Variants in ALPK1 observed in about 807,000 individuals in gnomAD.
ALPK1 encodes the protein alpha-protein kinase 1.
In ALPK1, 110 loss-of-function variants were observed where a neutral mutation model predicts 120.6. That is an observed-to-expected ratio of 0.91 (90% CI 0.78 to 1.07). The LOEUF (loss-of-function observed/expected upper bound fraction) is 1.07, where lower values mean the gene tolerates loss of function less well. Ranked by LOEUF, ALPK1 falls within the 50% of genes least tolerant of loss-of-function variation. The pLI is 0.00. For missense variants in ALPK1, 1,498 were observed against 1,483.9 expected, an observed-to-expected ratio of 1.01 and a Z score of -0.16; for synonymous variants, 582 against 560.3, an observed-to-expected ratio of 1.04 and a Z score of -0.55.
intron 3 of ALPK1, among the ~76,000 whole-genome samples, chr4:112,381,407 G>A (rs1731898185): frequency 6.6e-6 from 1 of 152,202 alleles, no homozygotes; most frequent in African/African-American, 2.4e-5. Context: ...TGAGAGGCTT[G>A]CAAGACAAGT....
chr4:112,306,132 A>G (rs528981981), intron 1 of ALPK1, among the ~76,000 whole-genome samples: 3,066 of 152,050 alleles, frequency 0.02, 120 homozygotes, highest in African/African-American at 0.069. Context: ...TTTTTGATGC[A>G]CTGCTGGATT....
chr4:112,305,064 G>T (rs947352034), intron 1 of ALPK1, among the ~76,000 whole-genome samples: 5 of 152,012 alleles, frequency 3.3e-5, no homozygotes, highest in African/African-American at 9.7e-5. Context: ...GGTTGTAGAG[G>T]TGTGGTATTA....
At chr4:112,297,874 G>C (rs1167464518) in intron 1 of ALPK1, among the ~76,000 whole-genome samples, 1 of 151,838 alleles carries the variant, frequency 6.6e-6, no homozygotes, top group East Asian at 1.9e-4. Flanking sequence ...TATGACTTTT[G>C]CCTGGAATAC....
chr4:112,403,458 T>G (rs1001628884), intron 4 of ALPK1, among the ~76,000 whole-genome samples: 14 of 152,138 alleles, frequency 9.2e-5, no homozygotes, highest in African/African-American at 3.4e-4. Context: ...TTCTCCTGAG[T>G]TGACTTCTCT....
At chr4:112,348,742 G>C (rs1477478621) in intron 2 of ALPK1, among the ~76,000 whole-genome samples, 1 of 152,246 alleles carries the variant, frequency 6.6e-6, no homozygotes. Context: ...CACGCTGTGT[G>C]AATCACACAG....
intron 1 of ALPK1, among the ~76,000 whole-genome samples, chr4:112,298,550 T>C (rs1727643460): frequency 6.6e-6 from 1 of 152,200 alleles, no homozygotes; most frequent in East Asian, 1.9e-4. Context: ...AAATCTGAGA[T>C]GAATCTCTCA....
chr4:112,378,653 G>T (rs1731771522), intron 3 of ALPK1, among the ~76,000 whole-genome samples: 1 of 151,666 alleles, frequency 6.6e-6, no homozygotes, highest in Non-Finnish European at 1.5e-5. Context: ...ACTGTCCTTT[G>T]TACATGCTTT....
At chr4:112,367,275 CAT>C (rs1241717447) in intron 2 of ALPK1, among the ~76,000 whole-genome samples, 2 of 152,148 alleles carry the variant, frequency 1.3e-5, no homozygotes, top group African/African-American at 4.8e-5. Flanking sequence ...ATTTGAAAAA[CAT>C]GTGTATGCCT....
At chr4:112,366,148 C>G (rs1393653163) in intron 2 of ALPK1, among the ~76,000 whole-genome samples, 4 of 151,954 alleles carry the variant, frequency 2.6e-5, no homozygotes, top group African/African-American at 7.3e-5. Context: ...TTGGCTCAGG[C>G]AAAGACTTCT....
At chr4:112,314,692 C>T (rs1728556755) in intron 1 of ALPK1, among the ~76,000 whole-genome samples, 2 of 152,056 alleles carry the variant, frequency 1.3e-5, no homozygotes. Flanking sequence ...ATAATAGAAT[C>T]TGGTGACATG....
chr4:112,317,911 C>G (rs997662511), intron 2 of ALPK1, among the ~76,000 whole-genome samples: 6 of 152,026 alleles, frequency 3.9e-5, no homozygotes, highest in Non-Finnish European at 8.8e-5. Flanking sequence ...TTTACAGTGA[C>G]TACATAAAGG....
intron 4 of ALPK1, among the ~76,000 whole-genome samples, chr4:112,406,922 C>T (rs6838440): frequency 0.37 from 55,638 of 152,050 alleles, 10,604 homozygotes; most frequent in African/African-American, 0.48. Flanking sequence ...GCTGTCTATT[C>T]TTTGTCAAAT....
At chr4:112,304,524 G>A (rs1446110339) in intron 1 of ALPK1, among the ~76,000 whole-genome samples, 3 of 152,068 alleles carry the variant, frequency 2.0e-5, no homozygotes, top group Non-Finnish European at 4.4e-5. Context: ...TTTTTCATGT[G>A]TCTGTTGGCT....
chr4:112,404,843 C>T (rs1733094829), intron 4 of ALPK1, among the ~76,000 whole-genome samples: 1 of 152,208 alleles, frequency 6.6e-6, no homozygotes, highest in South Asian at 2.1e-4. Flanking sequence ...TTGAAGCTTG[C>T]TTCTAAGCTA....
intron 2 of ALPK1, among the ~76,000 whole-genome samples, chr4:112,337,506 C>A (rs1729670268): frequency 6.6e-6 from 1 of 152,000 alleles, no homozygotes; most frequent in African/African-American, 2.4e-5. Flanking sequence ...ACAGCCTGGG[C>A]AACAGTAGTG....
In ALPK1 at chr4:112,431,506, C is replaced by T; in HGVS notation, c.1959C>T (p.Pro653=). 1 of 1,614,110 alleles carries T rather than the reference C, an allele frequency of 6.2e-7. No homozygotes were observed. The highest frequency in any genetic ancestry group is 8.5e-7 in the Non-Finnish European group (1 of 1,180,014). ...SQLHDLSLQE[P]NNDNLEPSQN... ...TTCATGATCTCTCTCTTCAGGAACC[C>T]AACAATGACAATTTGGAGCCTTCTC... Residue 653 remains proline, a synonymous_variant, in exon 11 of 16, where the codon CCC becomes CCT. Coordinates refer to ENST00000650871, the MANE Select transcript of ALPK1 (RefSeq NM_025144.4).
At chr4:112,327,613 T>A (rs554012025) in intron 2 of ALPK1, among the ~76,000 whole-genome samples, 25 of 152,100 alleles carry the variant, frequency 1.6e-4, no homozygotes, top group South Asian at 1.2e-3. Flanking sequence ...TTTTTAAAAA[T>A]TTTTTTTGTA....
rs552826187 is a variant in ALPK1, at chr4:112,344,416, A to C, written c.-101+28564A>C. Among the ~76,000 whole-genome samples, 50 of 152,366 alleles carry C rather than the reference A, an allele frequency of 3.3e-4. No individual in the cohort carries two copies. The South Asian group carries it at 9.7e-3, about 30-fold the overall frequency. On this transcript the variant is annotated intron_variant, in intron 2 of 15. Transcript: ENST00000650871. ...TCTGACTTTTTGTCTGTCTCTTTCT[A>C]GTATAGTTAAAGTATGGAGTTTGAT...
Position 112,431,307 on chromosome 4 carries a change from C to A in ALPK1, c.1760C>A (p.Ser587Ter). ...SQTSSAWSNL[S>*]GFSSSASWEE... ...ACTTCCAGTGCTTGGAGCAACTTATCAGGGTTTAGTTCCTCTGCAAGCTGG... is the reference window on the plus strand; with the variant it reads ...ACTTCCAGTGCTTGGAGCAACTTATAAGGGTTTAGTTCCTCTGCAAGCTGG... Residue 587 changes from serine to a stop codon, truncating the protein, a stop_gained, in exon 11 of 16, where the codon TCA becomes TAA. Transcript: ENST00000650871. LOFTEE classifies it high-confidence loss of function. The A allele has an allele frequency of 1.2e-6, 2 of 1,614,194 alleles. No homozygotes were observed. The highest frequency in any genetic ancestry group is 2.2e-5 in the South Asian group (2 of 91,076).
Sources: allele counts gnomAD v4.1 joint callset (sites outside exome capture counted in the v4.1 genomes callset), GRCh38; gene constraint gnomAD v4.1.1; transcripts MANE v1.5; gene names NCBI Gene and HGNC (gene_info 2026-07-23, HGNC 2026-07-21).